GPC6: variants seen among roughly 807,000 people sequenced by gnomAD.
The protein encoded by GPC6 is glypican-6.
Under a neutral mutation model 55.2 loss-of-function variants are expected in GPC6, and 14 were observed. That is an observed-to-expected ratio of 0.25 (90% CI 0.17 to 0.40). GPC6 has a LOEUF of 0.40. Among genes scored for constraint, GPC6 ranks in the 10% least tolerant of loss-of-function variants. GPC6 has a pLI of 1.00. For missense variants in GPC6, 641 were observed against 708.5 expected, an observed-to-expected ratio of 0.90 and a Z score of 1.08; for synonymous variants, 278 against 259.6, an observed-to-expected ratio of 1.07 and a Z score of -0.68.
At chr13:93,666,344 T>A (rs1881134784) in intron 2 of GPC6, among the ~76,000 whole-genome samples, 6 of 146,494 alleles carry the variant, frequency 4.1e-5, no homozygotes, top group East Asian at 2.0e-4. Context: ...ATTTATACTT[T>A]AAAAAAAAAA....
chr13:94,059,963 C>T (rs1165271221), intron 4 of GPC6, among the ~76,000 whole-genome samples: 2 of 152,028 alleles, frequency 1.3e-5, no homozygotes, highest in Non-Finnish European at 2.9e-5. Flanking sequence ...GATCTGCCAT[C>T]CTTCAGGCCA....
chr13:93,502,213 A>G (rs1269198281), intron 1 of GPC6, among the ~76,000 whole-genome samples: 1 of 152,070 alleles, frequency 6.6e-6, no homozygotes, highest in Non-Finnish European at 1.5e-5. Flanking sequence ...AAAACAGGAC[A>G]AAAACAAAAC....
At chr13:93,765,854 T>A (rs1451379677) in intron 2 of GPC6, among the ~76,000 whole-genome samples, 1 of 152,248 alleles carries the variant, frequency 6.6e-6, no homozygotes, top group African/African-American at 2.4e-5. Context: ...GTTCTCAAGT[T>A]GTTTCACTTT....
At chr13:93,245,690 C>T (rs1223701323) in intron 1 of GPC6, among the ~76,000 whole-genome samples, 1 of 152,126 alleles carries the variant, frequency 6.6e-6, no homozygotes, top group Admixed American at 6.5e-5. Flanking sequence ...TGGGCAGTCA[C>T]CTTTTGGATA....
intron 1 of GPC6, among the ~76,000 whole-genome samples, chr13:93,324,265 T>C (rs936858643): frequency 6.6e-6 from 1 of 151,804 alleles, no homozygotes; most frequent in Non-Finnish European, 1.5e-5. Flanking sequence ...CTCATGGAGA[T>C]AGAGAATAGA....
chr13:94,085,474 G>A lies in GPC6; in HGVS notation c.877+57580G>A, dbSNP rs138586041. On this transcript the variant is annotated intron_variant, in intron 4 of 8. Transcript: ENST00000377047. ...AACTTGCATTGCCAGTTTTTGCTGA[G>A]TAAGACAAGGTATAACAAGGAAGGC... is the stretch of plus-strand genomic sequence containing the variant. Among the ~76,000 whole-genome samples, 382 of 152,262 alleles carry A rather than the reference G, an allele frequency of 2.5e-3. 1 individual carries two copies. Among genetic ancestry groups the A allele is most frequent in the African/African-American group, 8.9e-3 (370 of 41,546 alleles).
intron 4 of GPC6, among the ~76,000 whole-genome samples, chr13:94,144,026 C>T (rs943566263): frequency 1.3e-5 from 2 of 152,176 alleles, no homozygotes; most frequent in African/African-American, 2.4e-5. Flanking sequence ...AGTTGTTAAA[C>T]GTTTGATTTT....
intron 2 of GPC6, among the ~76,000 whole-genome samples, chr13:93,676,339 C>G (rs950304680): frequency 1.3e-5 from 2 of 151,184 alleles, no homozygotes; most frequent in African/African-American, 4.9e-5. Context: ...ATCTCTTGAA[C>G]CCGGGTAGCA....
chr13:94,100,113 A>G (rs1167085132), intron 4 of GPC6, among the ~76,000 whole-genome samples: 1 of 152,200 alleles, frequency 6.6e-6, no homozygotes, highest in African/African-American at 2.4e-5. Flanking sequence ...AATAATTGTT[A>G]ATAAGAAACT....
chr13:93,970,321 C>A (rs1880231254), intron 3 of GPC6, among the ~76,000 whole-genome samples: 1 of 152,088 alleles, frequency 6.6e-6, no homozygotes, highest in Non-Finnish European at 1.5e-5. Flanking sequence ...CAAAACCTGA[C>A]AAACAAAAAT....
chr13:94,019,063 G>A (rs1882600337), intron 3 of GPC6, among the ~76,000 whole-genome samples: 2 of 152,166 alleles, frequency 1.3e-5, no homozygotes, highest in South Asian at 4.1e-4. Flanking sequence ...GTATCAGGTA[G>A]TGCTGCTCTC....
chr13:93,891,480 T>C (rs1875678366), intron 3 of GPC6, among the ~76,000 whole-genome samples: 1 of 152,112 alleles, frequency 6.6e-6, no homozygotes, highest in South Asian at 2.1e-4. Flanking sequence ...AAAGATTTGC[T>C]CAATCAAGTC....
At chr13:93,272,851 C>T (rs559342109) in intron 1 of GPC6, among the ~76,000 whole-genome samples, 7 of 152,198 alleles carry the variant, frequency 4.6e-5, no homozygotes, top group Non-Finnish European at 1.0e-4. Context: ...ACCAGCAGTT[C>T]AGAAACATTT....
intron 3 of GPC6, among the ~76,000 whole-genome samples, chr13:93,875,192 C>G (rs1213053286): frequency 6.6e-6 from 1 of 151,962 alleles, no homozygotes; most frequent in Non-Finnish European, 1.5e-5. Context: ...TATGGGGCCT[C>G]AATTTCCATT....
intron 3 of GPC6, among the ~76,000 whole-genome samples, chr13:93,988,820 T>G (rs2140412860): frequency 6.6e-6 from 1 of 152,274 alleles, no homozygotes; most frequent in African/African-American, 2.4e-5. Context: ...ATACAATGTG[T>G]TAGAATCATG....
chr13:93,293,166 G>A (rs766165291), intron 1 of GPC6, among the ~76,000 whole-genome samples: 35 of 151,540 alleles, frequency 2.3e-4, no homozygotes, highest in Non-Finnish European at 3.1e-4. Flanking sequence ...TCTATTTGTA[G>A]GGACAGGGTT....
At chr13:93,753,297 CT>C (rs887977248) in intron 2 of GPC6, among the ~76,000 whole-genome samples, 1 of 152,136 alleles carries the variant, frequency 6.6e-6, no homozygotes, top group Admixed American at 6.6e-5. Flanking sequence ...ACACTGTCAG[CT>C]TTTCCTCGGC....
chr13:93,496,471 T>A (rs886500443), intron 1 of GPC6, among the ~76,000 whole-genome samples: 5 of 152,218 alleles, frequency 3.3e-5, no homozygotes, highest in Admixed American at 6.5e-5. Context: ...ATCACCCGTC[T>A]TCTGCGTCGC....
At chr13:93,614,459 T>G (rs1386959999) in intron 2 of GPC6, among the ~76,000 whole-genome samples, 1 of 152,156 alleles carries the variant, frequency 6.6e-6, no homozygotes, top group Non-Finnish European at 1.5e-5. Flanking sequence ...GTATCTCTGT[T>G]TTCTCATCTG....
Sources: gnomAD v4.1 joint callset for allele counts (sites outside exome capture counted in the v4.1 genomes callset) on GRCh38, gnomAD v4.1.1 for gene constraint, MANE v1.5 for transcripts, NCBI Gene and HGNC (gene_info 2026-07-23, HGNC 2026-07-21) for gene names.